Variants in PLIN3 observed in about 807,000 individuals in gnomAD.
The protein encoded by PLIN3 is perilipin 3.
PLIN3 carries 30 observed loss-of-function variants against 35.9 expected under a neutral mutation model. The observed-to-expected ratio is 0.84, with a 90% CI of 0.62 to 1.13. PLIN3 has a LOEUF of 1.13. Ranked by LOEUF, PLIN3 falls within the 50% of genes most tolerant of loss-of-function variation. The pLI is 0.00. For missense variants in PLIN3, 603 were observed against 596.9 expected (o/e 1.01, Z -0.11); for synonymous variants, 261 against 262.5 (o/e 0.99, Z 0.06).
intron 7 of PLIN3, among the ~76,000 whole-genome samples, chr19:4,843,413 CAGG>C (rs746070501): frequency 2.6e-5 from 4 of 151,666 alleles, no homozygotes; most frequent in Non-Finnish European, 5.9e-5. Context: ...GAGGCTGAGG[CAGG>C]AGAATGGCGT....
chr19:4,842,949 G>A (rs940234259), intron 7 of PLIN3, among the ~76,000 whole-genome samples: 3 of 152,092 alleles, frequency 2.0e-5, no homozygotes, highest in African/African-American at 7.2e-5. Context: ...GTCCGGGCAC[G>A]GTGGCTCACG....
intron 7 of PLIN3, among the ~76,000 whole-genome samples, chr19:4,840,881 G>T (rs1021229008): frequency 2.0e-5 from 3 of 152,132 alleles, no homozygotes; most frequent in Non-Finnish European, 4.4e-5. Context: ...GGAGGCGGAG[G>T]TTGCAGTGAG....
chr19:4,859,652 C>T lies in PLIN3; in HGVS notation c.286G>A (p.Ala96Thr), dbSNP rs149231262. The change falls in exon 4 of 8, where the codon GCC becomes ACC. Residue 96 changes from alanine to threonine, a missense_variant. Coordinates refer to ENST00000221957, the MANE Select transcript of PLIN3 (RefSeq NM_005817.5). ...EPQIASASEYAHRGLDKLEEN... is the reference protein window; with the variant it reads ...EPQIASASEYTHRGLDKLEEN... ...TCCAACTTGTCCAGCCCCCTGTGGG[C>T]GTATTCGCTGGCTGATGCAACTGCC... is the stretch of plus-strand genomic sequence containing the variant. 23 of 1,614,144 alleles carry T rather than the reference C, an allele frequency of 1.4e-5. No homozygotes were observed. The highest frequency in any genetic ancestry group is 1.2e-4 in the South Asian group (11 of 91,086).
At chr19:4,841,230 A>G (rs1439794043) in intron 7 of PLIN3, among the ~76,000 whole-genome samples, 1 of 152,188 alleles carries the variant, frequency 6.6e-6, no homozygotes, top group Non-Finnish European at 1.5e-5. Context: ...CGGTTGATAA[A>G]TGGGTGAACA....
Position 4,853,347 on chromosome 19 carries a change from C to T in PLIN3, c.349-1046G>A, listed in dbSNP as rs571460282. On this transcript the variant is annotated intron_variant, in intron 4 of 7. Coordinates refer to ENST00000221957, the MANE Select transcript of PLIN3 (RefSeq NM_005817.5). ...TATTTATTTATTAATTTTTTTGAGG[C>T]GGAGTTTCACTCTTGTTGCCCAGGC... Among the ~76,000 whole-genome samples the T allele has an allele frequency of 9.3e-5, 14 of 150,630 alleles. No individual in the cohort carries two copies. The South Asian group carries it at 1.7e-3, about 18-fold the overall frequency.
chr19:4,848,588 C>T (rs1399028895), intron 5 of PLIN3, among the ~76,000 whole-genome samples: 2 of 152,150 alleles, frequency 1.3e-5, no homozygotes, highest in African/African-American at 2.4e-5. Flanking sequence ...TACCGTAGGC[C>T]GGGTGCAGTG....
intron 7 of PLIN3, among the ~76,000 whole-genome samples, chr19:4,842,231 A>G (rs2029914467): frequency 6.6e-6 from 1 of 152,024 alleles, no homozygotes; most frequent in South Asian, 2.1e-4. Flanking sequence ...GTTCTAGACC[A>G]GCCTGGCAAA....
At chr19:4,861,291 C>G in intron 2 of PLIN3, 38 bp downstream of exon 2, 1 of 1,580,022 alleles carries the variant, frequency 6.3e-7, no homozygotes, top group Non-Finnish European at 8.7e-7. Context: ...ACGGGAATCA[C>G]AGGGTCGGGG....
intron 7 of PLIN3, among the ~76,000 whole-genome samples, chr19:4,841,009 C>T (rs748479136): frequency 3.3e-5 from 5 of 152,120 alleles, no homozygotes; most frequent in Admixed American, 6.6e-5. Flanking sequence ...AGTCAAGAGG[C>T]GGAGAAATTG....
At chr19:4,857,890 C>G (rs1247225007) in intron 4 of PLIN3, among the ~76,000 whole-genome samples, 1 of 151,830 alleles carries the variant, frequency 6.6e-6, no homozygotes, top group Non-Finnish European at 1.5e-5. Flanking sequence ...GCGGGAGAAT[C>G]GCTTGAACCT....
chr19:4,856,128 C>T (rs954440630), intron 4 of PLIN3, among the ~76,000 whole-genome samples: 4 of 152,054 alleles, frequency 2.6e-5, no homozygotes, highest in Non-Finnish European at 4.4e-5. Flanking sequence ...TGCTGGGATG[C>T]GGCTGGCTTG....
chr19:4,857,717 T>C (rs1455612532), intron 4 of PLIN3, among the ~76,000 whole-genome samples: 1 of 152,144 alleles, frequency 6.6e-6, no homozygotes, highest in Non-Finnish European at 1.5e-5. Context: ...GGCTCATGTC[T>C]GTAATCCCAA....
intron 7 of PLIN3, among the ~76,000 whole-genome samples, chr19:4,842,052 C>T (rs1282838340): frequency 6.6e-6 from 1 of 151,718 alleles, no homozygotes; most frequent in Admixed American, 6.6e-5. Flanking sequence ...TTGAAAATTT[C>T]CTTGGCCAGA....
intron 4 of PLIN3, among the ~76,000 whole-genome samples, chr19:4,854,135 G>A (rs1489338070): frequency 2.0e-5 from 3 of 151,946 alleles, no homozygotes; most frequent in Non-Finnish European, 4.4e-5. Flanking sequence ...GACTCTCCAT[G>A]TTGCCCAGGC....
chr19:4,864,157 GT>G lies in PLIN3; in HGVS notation c.-17-2747del, dbSNP rs534017690. ...TGTGTGTGTGTGTGTGTGTGGTTTT[GT>G]TTTTTTTTTTTGGACAGGGAGTCTT... On this transcript the variant is annotated intron_variant, in intron 1 of 7. Coordinates refer to ENST00000221957, the MANE Select transcript of PLIN3 (RefSeq NM_005817.5). 7.8e-3 allele frequency among the ~76,000 whole-genome samples: 940 copies of G among 119,888 alleles called. 15 individuals are homozygous for G. The highest frequency in any genetic ancestry group is 0.027 in the African/African-American group (878 of 32,250). 78.7% of individuals were successfully genotyped at this position (119,888 alleles called of 152,430 possible). A position where few individuals can be genotyped will look rare whatever the true frequency, so the allele number is the denominator to read the frequency against.
intron 1 of PLIN3, among the ~76,000 whole-genome samples, chr19:4,865,261 G>A (rs1443437938): frequency 6.6e-6 from 1 of 151,940 alleles, no homozygotes; most frequent in East Asian, 1.9e-4. Flanking sequence ...GGCTGAGGCG[G>A]GCAGATCACC....
rs932724990 is a variant in PLIN3, at chr19:4,852,031, T to C, written c.619A>G (p.Thr207Ala). Residue 207 changes from threonine (T) to alanine (A), a missense_variant, in exon 5 of 8, where the codon ACG becomes GCG. By Grantham distance (58) the Thr-to-Ala change is moderately conservative (BLOSUM62 0). Coordinates refer to ENST00000221957, the MANE Select transcript of PLIN3 (RefSeq NM_005817.5). ...CCACACTTACCCAGTTCGGCATCCG[T>C]AAGGGGCAGGTGGTTGTCCGCCCAC... ...EEWADNHLPL[T>A]DAELARIATS... The C allele has an allele frequency of 3.1e-6, 5 of 1,613,500 alleles. No homozygotes were observed. The African/African-American group carries it at 6.7e-5, about 22-fold the overall frequency.
At chr19:4,854,246 T>C (rs1011860221) in intron 4 of PLIN3, among the ~76,000 whole-genome samples, 2 of 152,060 alleles carry the variant, frequency 1.3e-5, no homozygotes, top group African/African-American at 2.4e-5. Context: ...GCTAAGTCTT[T>C]AGACAGATCT....
intron 4 of PLIN3, among the ~76,000 whole-genome samples, chr19:4,853,939 T>TC (rs1272642239): frequency 1.3e-5 from 2 of 151,196 alleles, no homozygotes; most frequent in Non-Finnish European, 3.0e-5. Flanking sequence ...GTCTTTTTTT[T>TC]TTTTTTCTTT....
Sources: allele counts gnomAD v4.1 joint callset (sites outside exome capture counted in the v4.1 genomes callset), GRCh38; gene constraint gnomAD v4.1.1; transcripts MANE v1.5; gene names NCBI Gene and HGNC (gene_info 2026-07-23, HGNC 2026-07-21).